DGKH: variants seen among roughly 807,000 people sequenced by gnomAD.
DGKH encodes the protein diacylglycerol kinase eta.
In DGKH, 90 loss-of-function variants were observed where a neutral mutation model predicts 159.3. The ratio of observed to expected loss-of-function variants is 0.57; its 90% CI spans 0.48 to 0.67. DGKH has a LOEUF of 0.67. DGKH is among the 30% of genes least tolerant of loss of function. The pLI is 0.00. For synonymous variants in DGKH, 536 were observed against 553.8 expected (o/e 0.97, Z 0.45); for missense variants, 1,181 against 1,506.1 (o/e 0.78, Z 3.57).
intron 18 of DGKH, 109 bp downstream of exon 18, chr13:42,198,704 A>T (rs1957271190): frequency 2.1e-6 from 2 of 973,684 alleles, no homozygotes. Context: ...GGTCCCATGT[A>T]AAAAAAGGAT....
chr13:42,101,767 G>A (rs1954655809), intron 1 of DGKH, among the ~76,000 whole-genome samples: 1 of 146,308 alleles, frequency 6.8e-6, no homozygotes, highest in African/African-American at 2.5e-5. Context: ...GTGTATGTGT[G>A]TGTGTGAGAG....
At chr13:42,228,937 A>G (rs1958218270) in intron 29 of DGKH, among the ~76,000 whole-genome samples, 162 bp from the exon 30 acceptor site, 1 of 152,142 alleles carries the variant, frequency 6.6e-6, no homozygotes, top group Non-Finnish European at 1.5e-5. Context: ...ACTAAAATGA[A>G]TGAACTGAAT....
chr13:42,070,042 T>A, intron 1 of DGKH: 1 of 916,310 alleles, frequency 1.1e-6, no homozygotes, highest in East Asian at 2.4e-5. Context: ...GTTATAAATG[T>A]GACTGTGAGT....
intron 1 of DGKH, among the ~76,000 whole-genome samples, chr13:42,077,613 C>T (rs1954124733): frequency 6.6e-6 from 1 of 152,218 alleles, no homozygotes; most frequent in South Asian, 2.1e-4. Flanking sequence ...ATGCTTGGCC[C>T]TGGCCTTGAA....
intron 1 of DGKH, among the ~76,000 whole-genome samples, chr13:42,062,771 G>C (rs1024960621): frequency 6.6e-6 from 1 of 152,176 alleles, no homozygotes; most frequent in Non-Finnish European, 1.5e-5. Flanking sequence ...CCAACTTCAG[G>C]CATAAAATCC....
chr13:42,103,450 C>T (rs1954689059), intron 1 of DGKH, among the ~76,000 whole-genome samples: 1 of 152,126 alleles, frequency 6.6e-6, no homozygotes. Flanking sequence ...ATCATGTTGG[C>T]GAAGCACCTG....
intron 2 of DGKH, 92 bp downstream of exon 2, chr13:42,127,665 C>A: frequency 1.1e-6 from 1 of 903,832 alleles, no homozygotes; most frequent in Non-Finnish European, 1.8e-6. Context: ...TGGAAGCGCA[C>A]TGTAGCATTA....
chr13:42,150,801 G>A (rs1331661332), intron 3 of DGKH, among the ~76,000 whole-genome samples: 1 of 152,116 alleles, frequency 6.6e-6, no homozygotes, highest in East Asian at 1.9e-4. Flanking sequence ...CCCCAAAGAT[G>A]TTCACATCCT....
chr13:42,136,905 G>A (rs1955413740), intron 3 of DGKH, among the ~76,000 whole-genome samples: 1 of 151,982 alleles, frequency 6.6e-6, no homozygotes, highest in South Asian at 2.1e-4. Flanking sequence ...TTTCTACGAG[G>A]GTTTAAAAGG....
rs548101582 is a variant in DGKH, at chr13:42,088,234, A to C, written c.193-39229A>C. On this transcript the variant is annotated intron_variant, in intron 1 of 29. Transcript: ENST00000337343. ...GGACAAACAAAAACTGTGAGAATTT[A>C]TCACCAGGAGACCTTCACTGGAAGA... 9.2e-5 allele frequency among the ~76,000 whole-genome samples: 14 copies of C among 152,332 alleles called. 1 individual carries two copies. The highest frequency in any genetic ancestry group is 3.4e-4 in the African/African-American group (14 of 41,582).
At chr13:42,120,557 G>T (rs181438180) in intron 1 of DGKH, among the ~76,000 whole-genome samples, 36 of 152,064 alleles carry the variant, frequency 2.4e-4, no homozygotes, top group African/African-American at 8.4e-4. Flanking sequence ...ATCAAATTAC[G>T]CTGTTTCAAA....
intron 1 of DGKH, among the ~76,000 whole-genome samples, chr13:42,084,922 T>TA (rs5803111): frequency 0.25 from 37,148 of 146,212 alleles, 5,056 homozygotes; most frequent in Admixed American, 0.35. Flanking sequence ...TTGTTCTTAG[T>TA]AAAAAAAAAA....
intron 3 of DGKH, among the ~76,000 whole-genome samples, chr13:42,134,271 G>T (rs1348083924): frequency 6.6e-6 from 1 of 152,178 alleles, no homozygotes. Context: ...ACTAAGGCCA[G>T]CCAGGCTTCA....
intron 1 of DGKH, among the ~76,000 whole-genome samples, chr13:42,049,716 A>T (rs1272605409): frequency 6.6e-6 from 1 of 152,088 alleles, no homozygotes; most frequent in Non-Finnish European, 1.5e-5. Context: ...ATGAGAAGTT[A>T]CCTCTGTGCT....
intron 1 of DGKH, among the ~76,000 whole-genome samples, chr13:42,063,570 G>A (rs989383408): frequency 1.3e-5 from 2 of 152,214 alleles, no homozygotes; most frequent in African/African-American, 4.8e-5. Flanking sequence ...GGGAAAAAAT[G>A]AAGCAGTGGC....
chr13:42,149,861 A>T lies in DGKH; in HGVS notation c.385-5430A>T, dbSNP rs559856459. On this transcript the variant is annotated intron_variant, in intron 3 of 29. Coordinates refer to ENST00000337343, the MANE Select transcript of DGKH (RefSeq NM_178009.5). ...TAAACTTATAAGGGAAAACCAGAAA[A>T]CTCTTATTTTTCAAACACTTGTTTA... Among the ~76,000 whole-genome samples, 24 of 152,150 alleles carry T rather than the reference A, an allele frequency of 1.6e-4. No individual in the cohort carries two copies. The South Asian group carries it at 5.0e-3, about 32-fold the overall frequency.
intron 11 of DGKH, among the ~76,000 whole-genome samples, chr13:42,173,620 C>G (rs1001229774): frequency 6.6e-6 from 1 of 152,138 alleles, no homozygotes; most frequent in Non-Finnish European, 1.5e-5. Flanking sequence ...TAATTTAAGA[C>G]ATTGTTTTAA....
chr13:42,231,328 C>G lies in DGKH; in HGVS notation c.*2140C>G, dbSNP rs1392145174. ...AGATCACACCACTGCACTCTACTAG[C>G]CTGGGTGACAGAGCAAGACTCCCAT... is the stretch of plus-strand genomic sequence containing the variant. On this transcript the variant is annotated 3_prime_UTR_variant, in exon 30 of 30. Transcript: ENST00000337343. 3 of 152,158 alleles carry G rather than the reference C, an allele frequency of 2.0e-5. No homozygotes were observed. Among genetic ancestry groups the G allele is most frequent in the African/African-American group, 7.2e-5 (3 of 41,414 alleles). 9.4% of individuals were successfully genotyped at this position (152,158 alleles called of 1,614,324 possible).
At chr13:42,188,282 G>A (rs968908787) in intron 14 of DGKH, among the ~76,000 whole-genome samples, 4 of 152,180 alleles carry the variant, frequency 2.6e-5, no homozygotes, top group Non-Finnish European at 5.9e-5. Context: ...TTGGGGGGTA[G>A]CATCAACAGC....
Sources: allele counts gnomAD v4.1 joint callset (sites outside exome capture counted in the v4.1 genomes callset), GRCh38; gene constraint gnomAD v4.1.1; transcripts MANE v1.5; gene names NCBI Gene and HGNC (gene_info 2026-07-23, HGNC 2026-07-21).